MTBP: variants seen among roughly 807,000 people sequenced by gnomAD.
MTBP encodes the protein mdm2-binding protein.
A neutral mutation model predicts 117.0 loss-of-function variants in MTBP; 101 were observed. That is an observed-to-expected ratio of 0.86 (90% CI 0.73 to 1.02). MTBP has a LOEUF of 1.02. MTBP is among the 50% of genes least tolerant of loss of function. MTBP has a pLI of 0.00. For missense variants in MTBP, 970 were observed against 1,030.9 expected, an observed-to-expected ratio of 0.94 and a Z score of 0.81; for synonymous variants, 350 against 351.5, an observed-to-expected ratio of 1.00 and a Z score of 0.05.
intron 10 of MTBP, among the ~76,000 whole-genome samples, chr8:120,468,947 A>G (rs1813756658): frequency 6.6e-6 from 1 of 152,156 alleles, no homozygotes; most frequent in South Asian, 2.1e-4. Context: ...GTTGTTGTGT[A>G]GAATAAGGGA....
chr8:120,499,561 A>G (rs1284411306), intron 14 of MTBP, among the ~76,000 whole-genome samples: 1 of 152,238 alleles, frequency 6.6e-6, no homozygotes, highest in Non-Finnish European at 1.5e-5. Context: ...TTTGATTTGA[A>G]GAAATACATC....
At chr8:120,487,464 G>C (rs1814244361) in intron 11 of MTBP, among the ~76,000 whole-genome samples, 1 of 152,134 alleles carries the variant, frequency 6.6e-6, no homozygotes, top group Admixed American at 6.5e-5. Context: ...CTATTTTTAA[G>C]ATTTCTTTAT....
chr8:120,521,378 G>A (rs905637543), intron 20 of MTBP, among the ~76,000 whole-genome samples: 1 of 152,172 alleles, frequency 6.6e-6, no homozygotes, highest in Admixed American at 6.5e-5. Flanking sequence ...ATACAATAGT[G>A]TAAACACTGC....
rs373478553 is a variant in MTBP at position 120,468,803 on chromosome 8, C to A, written c.1048-2017C>A. On this transcript the variant is annotated intron_variant, in intron 10 of 21. Transcript: ENST00000305949. ...GTCATGGATCAGAATGGCAGCAGAC[C>A]AGGAAACAGTGACCATGACCTTTTT... is the stretch of plus-strand genomic sequence containing the variant. Among the ~76,000 whole-genome samples the A allele has an allele frequency of 7.3e-4, 111 of 152,162 alleles. 1 individual carries two copies. The highest frequency in any genetic ancestry group is 2.6e-3 in the African/African-American group (106 of 41,528).
intron 13 of MTBP, 171 bp downstream of exon 13, chr8:120,490,741 A>G (rs1342199900): frequency 8.3e-6 from 4 of 480,454 alleles, no homozygotes; most frequent in Non-Finnish European, 1.5e-5. Flanking sequence ...TATTTTCACT[A>G]GATTCAGAAT....
intron 11 of MTBP, among the ~76,000 whole-genome samples, chr8:120,483,064 T>C (rs1282643467): frequency 6.6e-6 from 1 of 152,080 alleles, no homozygotes; most frequent in Non-Finnish European, 1.5e-5. Flanking sequence ...ACAGTCATTT[T>C]CTTGAACAAT....
intron 17 of MTBP, among the ~76,000 whole-genome samples, chr8:120,514,414 T>C (rs1814878552): frequency 6.6e-6 from 1 of 152,020 alleles, no homozygotes; most frequent in Non-Finnish European, 1.5e-5. Context: ...TTCTATGGAT[T>C]TGAGTAGTTT....
At position 120,445,477 on chromosome 8, in the gene MTBP, C is replaced by A; in HGVS notation, c.7C>A (p.Arg3=). The A allele has an allele frequency of 6.2e-7, 1 of 1,612,798 alleles. No individual in the cohort carries two copies. MD[R]YLLLVIWGEG... ...GGGGGTGATCTCTGAGGAGATGGAT[C>A]GGTACCTGCTGCTGGTGATCTGGGG... The change falls in exon 1 of 22, where the codon CGG becomes AGG. Residue 3 remains arginine (R), a synonymous_variant. Transcript: ENST00000305949.
intron 13 of MTBP, among the ~76,000 whole-genome samples, chr8:120,494,810 C>A (rs1814416957): frequency 6.6e-6 from 1 of 152,018 alleles, no homozygotes. Context: ...TGATAATCAC[C>A]TTATTTTAAA....
At chr8:120,474,171 A>G (rs571511408) in intron 11 of MTBP, among the ~76,000 whole-genome samples, 2 of 152,182 alleles carry the variant, frequency 1.3e-5, no homozygotes, top group South Asian at 4.1e-4. Context: ...GTGAATAATA[A>G]TAAGACACAG....
At chr8:120,485,839 G>A (rs991988830) in intron 11 of MTBP, among the ~76,000 whole-genome samples, 2 of 152,164 alleles carry the variant, frequency 1.3e-5, no homozygotes, top group Non-Finnish European at 2.9e-5. Flanking sequence ...AATGAAGTCT[G>A]TTTGACTTCG....
intron 4 of MTBP, chr8:120,452,452 A>G (rs1425719673): frequency 6.6e-6 from 1 of 152,192 alleles, no homozygotes; most frequent in East Asian, 1.9e-4. Flanking sequence ...TCCATAAAGT[A>G]TTGAAGTACT....
intron 20 of MTBP, among the ~76,000 whole-genome samples, chr8:120,521,920 G>A (rs1393557464): frequency 1.1e-5 from 1 of 87,540 alleles, no homozygotes; most frequent in Non-Finnish European, 2.4e-5. Context: ...GAGGGTGGGA[G>A]AGTAATGCAG....
rs1815025567 is a variant in MTBP at position 120,522,725 on chromosome 8, G to T, written c.2676+6G>T. 1 of 1,585,450 alleles carries T rather than the reference G, an allele frequency of 6.3e-7. No individual in the cohort carries two copies. Among genetic ancestry groups the T allele is most frequent in the East Asian group, 2.3e-5 (1 of 44,422 alleles). Reference sequence around the variant, plus strand: ...CAAACAACAATGCTGTACAGGTAAAGAAATTATTCCCAAGAAACTATATTC... The same window carrying T: ...CAAACAACAATGCTGTACAGGTAAATAAATTATTCCCAAGAAACTATATTC... On this transcript the variant is annotated splice_donor_region_variant and intron_variant, in intron 21 of 21. Coordinates refer to ENST00000305949, the MANE Select transcript of MTBP (RefSeq NM_022045.5).
At chr8:120,489,576 C>T (rs910730918) in intron 12 of MTBP, among the ~76,000 whole-genome samples, 3 of 152,158 alleles carry the variant, frequency 2.0e-5, no homozygotes, top group African/African-American at 7.2e-5. Flanking sequence ...CTTTATGTTG[C>T]CCCATGGGCT....
chr8:120,502,130 G>C (rs1227616171), intron 14 of MTBP, among the ~76,000 whole-genome samples: 1 of 152,070 alleles, frequency 6.6e-6, no homozygotes, highest in East Asian at 1.9e-4. Flanking sequence ...AAATCACACA[G>C]AATATCCAAT....
chr8:120,461,591 A>C (rs1455694109), intron 9 of MTBP, among the ~76,000 whole-genome samples: 1 of 152,146 alleles, frequency 6.6e-6, no homozygotes, highest in African/African-American at 2.4e-5. Flanking sequence ...TCTTTAATGC[A>C]ATTATAATGT....
intron 15 of MTBP, among the ~76,000 whole-genome samples, chr8:120,503,453 G>T (rs1482904495): frequency 6.6e-6 from 1 of 152,144 alleles, no homozygotes; most frequent in East Asian, 1.9e-4. Flanking sequence ...TTGTTGTGGG[G>T]AGGGAAGTGG....
At chr8:120,479,308 A>C (rs568393440) in intron 11 of MTBP, among the ~76,000 whole-genome samples, 1 of 152,334 alleles carries the variant, frequency 6.6e-6, no homozygotes, top group East Asian at 1.9e-4. Flanking sequence ...TGAAACAGAT[A>C]AGGTTAAAAT....
Sources: gnomAD v4.1 joint callset for allele counts (sites outside exome capture counted in the v4.1 genomes callset) on GRCh38, gnomAD v4.1.1 for gene constraint, MANE v1.5 for transcripts, NCBI Gene and HGNC (gene_info 2026-07-23, HGNC 2026-07-21) for gene names.